The following GTF2A1L variants were observed in gnomAD, a reference collection of about 807,000 sequenced individuals.
GTF2A1L encodes the protein TFIIA-alpha and beta-like factor.
In GTF2A1L, 48 loss-of-function variants were observed where a neutral mutation model predicts 49.7. The observed-to-expected ratio is 0.97, with a 90% confidence interval of 0.77 to 1.23. GTF2A1L has a LOEUF of 1.23. Among genes scored for constraint, GTF2A1L ranks in the 50% most tolerant of loss-of-function variants. The probability of loss-of-function intolerance (pLI) is 0.00; values close to 1 mark genes in which losing one functional copy is unlikely to be tolerated. For synonymous variants in GTF2A1L, 246 were observed against 193.5 expected, an observed-to-expected ratio of 1.27 and a Z score of -2.25; for missense variants, 736 against 564.8, an observed-to-expected ratio of 1.30 and a Z score of -3.07.
At position 48,647,022 on chromosome 2, in the gene GTF2A1L, A is replaced by T; in HGVS notation, c.958A>T (p.Asn320Tyr). 1 of 1,610,488 alleles carries T rather than the reference A, an allele frequency of 6.2e-7. No homozygotes were observed. Residue 320 changes from asparagine (N) to tyrosine (Y), a missense_variant, in exon 6 of 9, where the codon AAC becomes TAC. By Grantham distance (143) the Asn-to-Tyr change is moderately radical. Coordinates refer to ENST00000403751, the MANE Select transcript of GTF2A1L (RefSeq NM_006872.5). ...KQPRNIEEPS[N>Y]IPVSEKDSNS... ...ACCAAGAAATATAGAGGAACCCAGCAACATACCTGTATCAGAGAAGGTATA... is the reference window on the plus strand; with the variant it reads ...ACCAAGAAATATAGAGGAACCCAGCTACATACCTGTATCAGAGAAGGTATA...
chr2:48,672,220 C>T (rs968748742), intron 8 of GTF2A1L, among the ~76,000 whole-genome samples: 2 of 151,984 alleles, frequency 1.3e-5, no homozygotes, highest in Non-Finnish European at 2.9e-5. Context: ...ATAGAATAGC[C>T]CAATAAAAAG....
chr2:48,679,204 A>G, intron 8 of GTF2A1L, 131 bp from the exon 9 acceptor site: 4 of 1,184,692 alleles, frequency 3.4e-6, no homozygotes, highest in Non-Finnish European at 4.6e-6. Context: ...TAAACAAACT[A>G]TCTTGAGGAG....
chr2:48,651,590 C>T (rs933638786), intron 6 of GTF2A1L, among the ~76,000 whole-genome samples: 1 of 152,104 alleles, frequency 6.6e-6, no homozygotes, highest in African/African-American at 2.4e-5. Context: ...CTGTCTATTT[C>T]AGCACATGGC....
intron 3 of GTF2A1L, among the ~76,000 whole-genome samples, chr2:48,634,018 G>A (rs2104125150): frequency 6.6e-6 from 1 of 152,264 alleles, no homozygotes; most frequent in African/African-American, 2.4e-5. Context: ...GCCTATGGGT[G>A]TTTTATGTGC....
At chr2:48,622,647 C>A (rs924731686) in intron 3 of GTF2A1L, among the ~76,000 whole-genome samples, 1 of 151,898 alleles carries the variant, frequency 6.6e-6, no homozygotes, top group African/African-American at 2.4e-5. Flanking sequence ...ATGGCGAAAC[C>A]CTGTCTCTAC....
chr2:48,664,584 G>T (rs1678710689), intron 6 of GTF2A1L, among the ~76,000 whole-genome samples: 1 of 152,038 alleles, frequency 6.6e-6, no homozygotes, highest in African/African-American at 2.4e-5. Flanking sequence ...GAATTGCTAT[G>T]TATCTGTATC....
chr2:48,670,103 T>C (rs1361863663), intron 7 of GTF2A1L, 121 bp downstream of exon 7: 4 of 1,397,236 alleles, frequency 2.9e-6, no homozygotes, highest in Non-Finnish European at 3.8e-6. Flanking sequence ...GAAATAAGAC[T>C]TATTTGGGGC....
At chr2:48,621,976 G>A (rs1558694729) in intron 3 of GTF2A1L, among the ~76,000 whole-genome samples, 1 of 152,088 alleles carries the variant, frequency 6.6e-6, no homozygotes, top group African/African-American at 2.4e-5. Context: ...TAATCTTTAT[G>A]TTACTCATAT....
At chr2:48,666,570 A>G in intron 6 of GTF2A1L, among the ~76,000 whole-genome samples, 1 of 149,098 alleles carries the variant, frequency 6.7e-6, no homozygotes, top group East Asian at 2.0e-4. Context: ...TATAGTTATT[A>G]ATCAACTTGT....
At chr2:48,646,368 A>G (rs950702342) in intron 5 of GTF2A1L, 85 bp from the exon 6 acceptor site, 2 of 1,199,502 alleles carry the variant, frequency 1.7e-6, no homozygotes, top group South Asian at 1.8e-5. Flanking sequence ...GCCTTTGTGG[A>G]TGAGATTTTT....
Position 48,675,617 on chromosome 2 carries a change from C to T in GTF2A1L, c.1330-3718C>T, listed in dbSNP as rs114712215. ...GATTTAAATAATAAAGATATTATAG[C>T]GAAAATTAATGGTGAAATGAAACCT... On this transcript the variant is annotated intron_variant, in intron 8 of 8. Transcript: ENST00000403751. Among the ~76,000 whole-genome samples the T allele has an allele frequency of 1.9e-3, 289 of 151,870 alleles. 3 individuals are homozygous for T. The highest frequency in any genetic ancestry group is 6.4e-3 in the African/African-American group (267 of 41,488).
chr2:48,629,416 G>C (rs1222811340), intron 3 of GTF2A1L, among the ~76,000 whole-genome samples: 1 of 144,230 alleles, frequency 6.9e-6, no homozygotes, highest in East Asian at 2.0e-4. Context: ...GTCTTGTTCT[G>C]TTGGCTTTCT....
chr2:48,644,542 A>T (rs1295006269), intron 4 of GTF2A1L, among the ~76,000 whole-genome samples: 2 of 152,184 alleles, frequency 1.3e-5, no homozygotes, highest in African/African-American at 4.8e-5. Flanking sequence ...ATCAGGATAA[A>T]TTTCTAAAAG....
Position 48,646,777 on chromosome 2 carries a change from G to T in GTF2A1L, c.713G>T (p.Ser238Ile). Residue 238 changes from serine to isoleucine, a missense_variant, in exon 6 of 9, where the codon AGT becomes ATT. Ser to Ile is a moderately radical substitution (Grantham distance 142, BLOSUM62 -2). Transcript: ENST00000403751. Reference sequence around the variant, plus strand: ...GAAGCTTTGTTGTGTCATCAGGAAAGTTCTCACTATATCAGTCTTCCAGGT... The same window carrying T: ...GAAGCTTTGTTGTGTCATCAGGAAATTTCTCACTATATCAGTCTTCCAGGT... ...VPEALLCHQE[S>I]SHYISLPGVV... is the part of the protein sequence containing the mutation. 6.2e-7 allele frequency: 1 copy of T among 1,614,166 alleles called. No homozygotes were observed. Among genetic ancestry groups the T allele is most frequent in the Non-Finnish European group, 8.5e-7 (1 of 1,180,030 alleles).
chr2:48,643,026 T>C (rs1476619229), intron 4 of GTF2A1L, among the ~76,000 whole-genome samples: 1 of 152,210 alleles, frequency 6.6e-6, no homozygotes, highest in African/African-American at 2.4e-5. Context: ...GGTTAGGAAA[T>C]GTCTGAAGTT....
intron 8 of GTF2A1L, among the ~76,000 whole-genome samples, chr2:48,676,558 A>G (rs1259813363): frequency 6.6e-6 from 1 of 151,668 alleles, no homozygotes; most frequent in East Asian, 1.9e-4. Context: ...AAAAAATTGG[A>G]TTATTTGGTC....
intron 3 of GTF2A1L, among the ~76,000 whole-genome samples, chr2:48,629,017 G>T (rs1032526880): frequency 1.4e-5 from 2 of 143,364 alleles, no homozygotes; most frequent in African/African-American, 5.0e-5. Context: ...GCCGAGGTGG[G>T]CGGATCATGA....
intron 3 of GTF2A1L, among the ~76,000 whole-genome samples, chr2:48,624,700 T>A (rs1676205985): frequency 7.0e-6 from 1 of 143,820 alleles, no homozygotes; most frequent in Non-Finnish European, 1.6e-5. Flanking sequence ...ACCTACATCT[T>A]CTTATTTTCT....
At chr2:48,668,293 T>C (rs1572771381) in intron 6 of GTF2A1L, among the ~76,000 whole-genome samples, 1 of 152,206 alleles carries the variant, frequency 6.6e-6, no homozygotes, top group East Asian at 1.9e-4. Flanking sequence ...ATGTAATATG[T>C]GTGTCAACAT....
Sources: gnomAD v4.1 joint callset for allele counts (sites outside exome capture counted in the v4.1 genomes callset) on GRCh38, gnomAD v4.1.1 for gene constraint, MANE v1.5 for transcripts, NCBI Gene and HGNC (gene_info 2026-07-23, HGNC 2026-07-21) for gene names.